Variants in ARHGAP26 observed in about 807,000 individuals in gnomAD.
ARHGAP26 encodes rho GTPase-activating protein 26.
ARHGAP26 carries 38 observed loss-of-function variants against 104.8 expected under a neutral mutation model. The ratio of observed to expected loss-of-function variants is 0.36; its 90% CI spans 0.28 to 0.48. ARHGAP26 has a LOEUF of 0.48. Among genes scored for constraint, ARHGAP26 ranks in the 20% least tolerant of loss-of-function variants. The pLI, the probability that ARHGAP26 is intolerant of heterozygous loss-of-function variation, is 0.99. For missense variants in ARHGAP26, 704 were observed against 947.9 expected (o/e 0.74, Z 3.38); for synonymous variants, 341 against 340.0 (o/e 1.00, Z -0.03).
intron 1 of ARHGAP26, among the ~76,000 whole-genome samples, chr5:142,805,355 G>T (rs1338169355): frequency 1.3e-5 from 2 of 152,128 alleles, no homozygotes; most frequent in African/African-American, 4.8e-5. Flanking sequence ...ACCCGTCTTT[G>T]CCTCCCAAAG....
intron 1 of ARHGAP26, among the ~76,000 whole-genome samples, chr5:142,851,406 A>G (rs975235948): frequency 5.9e-5 from 9 of 152,204 alleles, no homozygotes; most frequent in Non-Finnish European, 1.0e-4. Context: ...CGGAAAATAC[A>G]TTTTTGACAT....
chr5:142,836,010 C>T (rs1169395262), intron 1 of ARHGAP26, among the ~76,000 whole-genome samples: 1 of 152,162 alleles, frequency 6.6e-6, no homozygotes, highest in East Asian at 1.9e-4. Context: ...GGATTTAAAC[C>T]CAGGCCAGGG....
At chr5:143,169,401 C>A (rs1040354653) in intron 20 of ARHGAP26, 3 of 152,244 alleles carry the variant, frequency 2.0e-5, no homozygotes, top group Non-Finnish European at 4.4e-5. Flanking sequence ...CAGAACCCAG[C>A]TCTTGCCAGC....
intron 1 of ARHGAP26, among the ~76,000 whole-genome samples, chr5:142,832,276 G>A (rs1484083878): frequency 6.6e-6 from 1 of 152,198 alleles, no homozygotes; most frequent in Admixed American, 6.5e-5. Context: ...TGGAGATAGG[G>A]CCTATAAAGA....
intron 11 of ARHGAP26, among the ~76,000 whole-genome samples, chr5:143,013,808 C>T (rs1001725089): frequency 2.0e-5 from 3 of 152,124 alleles, no homozygotes; most frequent in African/African-American, 4.8e-5. Flanking sequence ...TATTTATGTA[C>T]GCATATACAT....
intron 20 of ARHGAP26, among the ~76,000 whole-genome samples, chr5:143,158,489 TTA>T (rs1800783531): frequency 6.6e-6 from 1 of 152,114 alleles, no homozygotes; most frequent in Admixed American, 6.5e-5. Context: ...GGGGAAGAAT[TTA>T]GCCTCAGGAA....
chr5:142,965,164 A>G (rs961124934), intron 11 of ARHGAP26, among the ~76,000 whole-genome samples: 1 of 152,210 alleles, frequency 6.6e-6, no homozygotes, highest in African/African-American at 2.4e-5. Context: ...GCTATCTAGA[A>G]GGCAGAGCCA....
chr5:143,104,882 C>T (rs2398612), intron 17 of ARHGAP26, among the ~76,000 whole-genome samples: 126,863 of 152,186 alleles, frequency 0.83, 54,136 homozygotes, highest in Non-Finnish European at 0.92. Context: ...GAATGTGACA[C>T]GTATACCTTA....
At chr5:143,206,093 C>A (rs576130007) in intron 20 of ARHGAP26, among the ~76,000 whole-genome samples, 1 of 152,244 alleles carries the variant, frequency 6.6e-6, no homozygotes, top group Non-Finnish European at 1.5e-5. Flanking sequence ...TGGTATAACC[C>A]TAGGGAAGTC....
intron 11 of ARHGAP26, among the ~76,000 whole-genome samples, chr5:142,961,930 G>A (rs781721421): frequency 6.6e-6 from 1 of 151,946 alleles, no homozygotes; most frequent in Admixed American, 6.6e-5. Flanking sequence ...CAAAAATGAC[G>A]ACAGATCCAT....
intron 17 of ARHGAP26, among the ~76,000 whole-genome samples, chr5:143,089,055 A>G (rs1283822170): frequency 6.6e-6 from 1 of 152,224 alleles, no homozygotes; most frequent in Non-Finnish European, 1.5e-5. Flanking sequence ...TTAAAAGTAG[A>G]AGGCAAATAA....
rs139091960 is a variant in ARHGAP26 at position 142,839,493 on chromosome 5, A to C, written c.155-33907A>C. On this transcript the variant is annotated intron_variant, in intron 1 of 22. Coordinates refer to ENST00000645722, the MANE Select transcript of ARHGAP26 (RefSeq NM_001135608.3). ...TGAACTTCTGTGTGTCTGATGCTGA[A>C]ACCCATGTGGGATAGTAGATTTTTT... 2.8e-3 allele frequency among the ~76,000 whole-genome samples: 427 copies of C among 152,272 alleles called. 3 individuals carry two copies. The highest frequency in any genetic ancestry group is 6.8e-3 in the Middle Eastern group (2 of 294).
chr5:142,822,671 AT>A (rs1397948301), intron 1 of ARHGAP26, among the ~76,000 whole-genome samples: 2 of 152,158 alleles, frequency 1.3e-5, no homozygotes, highest in Non-Finnish European at 2.9e-5. Flanking sequence ...CACCATACAT[AT>A]ATGTATATTC....
intron 20 of ARHGAP26, chr5:143,168,502 C>A (rs1802351818): frequency 2.0e-5 from 2 of 101,968 alleles, no homozygotes; most frequent in Admixed American, 2.9e-4. Flanking sequence ...CACAAAGGGC[C>A]TGTTTTGGTT....
In ARHGAP26 at chr5:142,771,088, A is replaced by G. The variant is rs531993877; in HGVS notation, c.154+173A>G. 5 of 1,367,066 alleles carry G rather than the reference A, an allele frequency of 3.7e-6. 1 individual carries two copies. In the South Asian group the frequency reaches 6.9e-5, roughly 19 times the overall value. 84.7% of individuals were successfully genotyped at this position (1,367,066 alleles called of 1,614,324 possible). On this transcript the variant is annotated intron_variant, in intron 1 of 22. Coordinates refer to ENST00000645722, the MANE Select transcript of ARHGAP26 (RefSeq NM_001135608.3). The stretch of plus-strand genomic sequence containing the variant: ...ACGTAAAGCGGGCGAACCAGCAACC[A>G]TCAGATGAAGAGAGAGACCCGTCGC...
chr5:142,877,195 T>C (rs1756250280), intron 3 of ARHGAP26, among the ~76,000 whole-genome samples: 1 of 152,164 alleles, frequency 6.6e-6, no homozygotes, highest in Non-Finnish European at 1.5e-5. Flanking sequence ...TGCATCTGAG[T>C]ATCTGGCCGT....
chr5:142,831,757 A>T (rs1433713406), intron 1 of ARHGAP26, among the ~76,000 whole-genome samples: 1 of 151,870 alleles, frequency 6.6e-6, no homozygotes, highest in African/African-American at 2.4e-5. Flanking sequence ...CTTTACCTTA[A>T]CACTTTGCTG....
rs540317367 is a variant in ARHGAP26 at position 143,222,179 on chromosome 5, T to G, written c.2192-179T>G. Among the ~76,000 whole-genome samples, 3 of 152,196 alleles carry G rather than the reference T, an allele frequency of 2.0e-5. No homozygotes were observed. The East Asian group carries it at 5.8e-4, about 29-fold the overall frequency. ...TATATTCCACAAAAGGTTCAGAACC[T>G]TTGGTTTAAACTTCTAGAATGATGT... is the stretch of plus-strand genomic sequence containing the variant. On this transcript the variant is annotated intron_variant, in intron 22 of 22. Transcript: ENST00000645722.
intron 1 of ARHGAP26, among the ~76,000 whole-genome samples, chr5:142,776,533 A>G (rs1396239968): frequency 6.6e-6 from 1 of 152,214 alleles, no homozygotes; most frequent in Non-Finnish European, 1.5e-5. Context: ...TTCACTAAGC[A>G]TGCTGTGTTT....
Sources: gnomAD v4.1 joint callset for allele counts (sites outside exome capture counted in the v4.1 genomes callset) on GRCh38, gnomAD v4.1.1 for gene constraint, MANE v1.5 for transcripts, NCBI Gene and HGNC (gene_info 2026-07-23, HGNC 2026-07-21) for gene names.